CADM2: variants seen among roughly 807,000 people sequenced by gnomAD.
CADM2 encodes cell adhesion molecule 2, also known as immunoglobulin superfamily member 4D.
CADM2 carries 12 observed loss-of-function variants against 49.8 expected under a neutral mutation model. The observed-to-expected ratio is 0.24, with a 90% confidence interval of 0.15 to 0.39. The LOEUF (loss-of-function observed/expected upper bound fraction) is 0.39. Among genes scored for constraint, CADM2 ranks in the 10% least tolerant of loss-of-function variants. The pLI is 1.00. For missense variants in CADM2, 378 were observed against 492.3 expected (o/e 0.77, Z 2.20); for synonymous variants, 214 against 175.4 (o/e 1.22, Z -1.74).
At chr3:85,338,366 T>C (rs890072097) in intron 1 of CADM2, among the ~76,000 whole-genome samples, 18 of 151,614 alleles carry the variant, frequency 1.2e-4, no homozygotes, top group African/African-American at 3.9e-4. Flanking sequence ...TAGATGGATT[T>C]CTAAGAGTAC....
intron 1 of CADM2, among the ~76,000 whole-genome samples, chr3:84,964,421 A>C (rs2030815036): frequency 1.3e-5 from 2 of 152,220 alleles, no homozygotes; most frequent in South Asian, 4.1e-4. Flanking sequence ...GTACATTAAT[A>C]ATCAAATATA....
chr3:85,649,027 C>T (rs139236999), intron 1 of CADM2, among the ~76,000 whole-genome samples: 157 of 152,052 alleles, frequency 1.0e-3, no homozygotes, highest in African/African-American at 3.5e-3. Context: ...GAGAAGTTAA[C>T]CAGACTGGGT....
intron 1 of CADM2, among the ~76,000 whole-genome samples, chr3:85,112,600 A>T (rs2038499894): frequency 6.6e-6 from 1 of 151,910 alleles, no homozygotes; most frequent in South Asian, 2.1e-4. Context: ...GTGAATTATT[A>T]CAAAAATTCT....
At chr3:85,488,456 A>G (rs2039522091) in intron 1 of CADM2, among the ~76,000 whole-genome samples, 1 of 152,118 alleles carries the variant, frequency 6.6e-6, no homozygotes, top group South Asian at 2.1e-4. Context: ...CAGCCTCTGG[A>G]TTTTTTAGAT....
At chr3:85,868,884 T>C (rs1577517876) in intron 3 of CADM2, among the ~76,000 whole-genome samples, 2 of 152,204 alleles carry the variant, frequency 1.3e-5, no homozygotes, top group African/African-American at 2.4e-5. Context: ...CTTGAATTCT[T>C]TTGCACCTTT....
intron 1 of CADM2, among the ~76,000 whole-genome samples, chr3:85,212,937 A>G (rs1022378693): frequency 6.9e-6 from 1 of 145,904 alleles, no homozygotes; most frequent in Non-Finnish European, 1.5e-5. Context: ...CTGGAGTGCA[A>G]TGGCGCAATC....
At chr3:85,662,963 C>A (rs2065455028) in intron 1 of CADM2, among the ~76,000 whole-genome samples, 2 of 151,874 alleles carry the variant, frequency 1.3e-5, no homozygotes, top group Non-Finnish European at 2.9e-5. Flanking sequence ...TGAATCCTAC[C>A]CTTTCTGGGT....
intron 1 of CADM2, among the ~76,000 whole-genome samples, chr3:85,612,515 A>C (rs1400230878): frequency 1.3e-5 from 2 of 151,908 alleles, no homozygotes; most frequent in Non-Finnish European, 2.9e-5. Flanking sequence ...TAATATTTGC[A>C]CGTTTGGAAT....
chr3:85,705,056 C>T (rs2066900011), intron 1 of CADM2, among the ~76,000 whole-genome samples: 1 of 142,490 alleles, frequency 7.0e-6, no homozygotes, highest in African/African-American at 2.6e-5. Flanking sequence ...TAAATAGAGA[C>T]GGGGTTTTGC....
intron 1 of CADM2, among the ~76,000 whole-genome samples, chr3:85,309,475 G>T (rs2044291484): frequency 6.6e-6 from 1 of 152,136 alleles, no homozygotes; most frequent in African/African-American, 2.4e-5. Flanking sequence ...GATGTGAAAA[G>T]AACCTACTTC....
chr3:84,979,771 C>T (rs908021391), intron 1 of CADM2, among the ~76,000 whole-genome samples: 1 of 151,722 alleles, frequency 6.6e-6, no homozygotes, highest in Admixed American at 6.6e-5. Context: ...GGCAGGACTC[C>T]TAGGCTATAA....
At chr3:85,729,990 A>T (rs1408689149) in intron 2 of CADM2, among the ~76,000 whole-genome samples, 1 of 152,174 alleles carries the variant, frequency 6.6e-6, no homozygotes, top group Non-Finnish European at 1.5e-5. Flanking sequence ...GGTTTGCTAT[A>T]TGTTCTCATG....
chr3:85,727,418 A>G (rs888081113), intron 2 of CADM2, among the ~76,000 whole-genome samples: 2 of 152,164 alleles, frequency 1.3e-5, no homozygotes, highest in African/African-American at 2.4e-5. Flanking sequence ...ATTTGCTTAT[A>G]GAATATGAAA....
chr3:85,874,933 GA>G (rs1711595883), intron 3 of CADM2, among the ~76,000 whole-genome samples: 1 of 152,050 alleles, frequency 6.6e-6, no homozygotes, highest in Non-Finnish European at 1.5e-5. Context: ...ACTAAACATA[GA>G]AATACTAGGG....
intron 1 of CADM2, among the ~76,000 whole-genome samples, chr3:85,265,710 A>G (rs1317777524): frequency 6.6e-6 from 1 of 152,038 alleles, no homozygotes; most frequent in East Asian, 1.9e-4. Context: ...CTCATGAATA[A>G]TATTTATAGA....
chr3:84,985,811 C>A (rs1234029752), intron 1 of CADM2, among the ~76,000 whole-genome samples: 1 of 152,148 alleles, frequency 6.6e-6, no homozygotes, highest in African/African-American at 2.4e-5. Context: ...TCAGTTAATG[C>A]ATCAGTAAGT....
At chr3:85,753,140 G>A (rs1302169104) in intron 2 of CADM2, among the ~76,000 whole-genome samples, 1 of 152,126 alleles carries the variant, frequency 6.6e-6, no homozygotes. Flanking sequence ...CAGGGATATT[G>A]GGAGCTGTGC....
intron 1 of CADM2, among the ~76,000 whole-genome samples, chr3:85,358,810 C>CT (rs2032087656): frequency 6.6e-6 from 1 of 152,050 alleles, no homozygotes. Context: ...AAATGGATAA[C>CT]TTTAAGAGGT....
chr3:84,959,584 C>T lies in CADM2; in HGVS notation c.-24C>T, dbSNP rs1340111847. 7 of 1,536,440 alleles carry T rather than the reference C, an allele frequency of 4.6e-6. No individual in the cohort carries two copies. Among genetic ancestry groups the T allele is most frequent in the Middle Eastern group, 3.3e-4 (2 of 6,012 alleles). ...GCATCTACTTGCCCCCTCGTTCCTT[C>T]CCCAGCCCTTTAGAGAAGGGACCAT... On this transcript the variant is annotated 5_prime_UTR_variant, in exon 1 of 10. Transcript: ENST00000383699.
Sources: gnomAD v4.1 joint callset for allele counts (sites outside exome capture counted in the v4.1 genomes callset) on GRCh38, gnomAD v4.1.1 for gene constraint, MANE v1.5 for transcripts, NCBI Gene and HGNC (gene_info 2026-07-23, HGNC 2026-07-21) for gene names.